Variants in GEM observed in about 807,000 individuals in gnomAD.
GEM encodes the protein GTP-binding protein GEM.
GEM carries 31 observed loss-of-function variants against 33.0 expected under a neutral mutation model. The ratio of observed to expected loss-of-function variants is 0.94; its 90% CI spans 0.71 to 1.27. The LOEUF is 1.27. Ranked by LOEUF, GEM falls within the 50% of genes most tolerant of loss-of-function variation. The probability of loss-of-function intolerance (pLI) is 0.00; values close to 1 mark genes in which losing one functional copy is unlikely to be tolerated. For missense variants in GEM, 354 were observed against 390.5 expected (o/e 0.91, Z 0.79); for synonymous variants, 141 against 143.7 (o/e 0.98, Z 0.13).
chr8:94,255,218 G>A (rs74482284), intron 2 of GEM, among the ~76,000 whole-genome samples: 5,645 of 152,186 alleles, frequency 0.037, 328 homozygotes, highest in African/African-American at 0.13. Context: ...AATCGCTGAC[G>A]GAAAAGGAAA....
chr8:94,257,808 G>A (rs946070371), intron 2 of GEM, among the ~76,000 whole-genome samples: 1 of 151,692 alleles, frequency 6.6e-6, no homozygotes, highest in African/African-American at 2.4e-5. Flanking sequence ...TCTTTATTAG[G>A]AGAAATCATT....
intron 1 of GEM, among the ~76,000 whole-genome samples, chr8:94,261,604 C>T (rs922576898): frequency 6.6e-6 from 1 of 152,148 alleles, no homozygotes; most frequent in Non-Finnish European, 1.5e-5. Context: ...GTCAAGTGAT[C>T]CTCCTGCCTC....
At chr8:94,261,320 C>T (rs1245593641) in intron 1 of GEM, among the ~76,000 whole-genome samples, 1 of 152,176 alleles carries the variant, frequency 6.6e-6, no homozygotes, top group Non-Finnish European at 1.5e-5. Flanking sequence ...TAAAAAACCA[C>T]ATCCATTCTC....
chr8:94,260,701 C>T (rs1809003521), intron 1 of GEM, 189 bp from the exon 2 acceptor site: 1 of 551,342 alleles, frequency 1.8e-6, no homozygotes, highest in South Asian at 2.6e-5. Context: ...CACACACATG[C>T]TGCCCACACT....
rs1808729144 is a variant in GEM, at chr8:94,250,188, C to T, written c.*122G>A. Reference sequence around the variant, plus strand: ...TCATGTTGCCCACAAGGCTAATACGCTAGCTCCCTGCTACAATGGGGGAAA... The same window carrying T: ...TCATGTTGCCCACAAGGCTAATACGTTAGCTCCCTGCTACAATGGGGGAAA... On this transcript the variant is annotated 3_prime_UTR_variant, in exon 5 of 5. Coordinates refer to ENST00000297596, the MANE Select transcript of GEM (RefSeq NM_005261.4). 2 of 785,550 alleles carry T rather than the reference C, an allele frequency of 2.5e-6. No homozygotes were observed. Among genetic ancestry groups the T allele is most frequent in the Non-Finnish European group, 4.1e-6 (2 of 486,394 alleles). The allele number at this position is 785,550 out of a possible 1,614,324, so 48.7% of individuals were successfully genotyped here. A position where few individuals can be genotyped will look rare whatever the true frequency, so the allele number is the denominator to read the frequency against.
At chr8:94,251,276 T>C (rs887596591) in intron 4 of GEM, among the ~76,000 whole-genome samples, 3 of 152,238 alleles carry the variant, frequency 2.0e-5, no homozygotes, top group African/African-American at 4.8e-5. Context: ...AAGTATTTCA[T>C]TGCATTCAAT....
chr8:94,255,339 G>A (rs1808865554), intron 2 of GEM, among the ~76,000 whole-genome samples: 1 of 152,210 alleles, frequency 6.6e-6, no homozygotes, highest in Non-Finnish European at 1.5e-5. Flanking sequence ...GAAGCTTCCT[G>A]ACAGGATCAT....
At position 94,252,047 on chromosome 8, in the gene GEM, T is replaced by G; in HGVS notation, c.585A>C (p.Leu195Phe). The change falls in exon 4 of 5, where the codon TTA (leucine) becomes TTC (phenylalanine). Residue 195 changes from leucine to phenylalanine, a missense_variant. Coordinates refer to ENST00000297596, the MANE Select transcript of GEM (RefSeq NM_005261.4). ...ATACAGACACTTCTCGGCACCGCAC[T>G]AAGTCACTTTTGTTGCCAACCAAAA... ...PIILVGNKSD[L>F]VRCREVSVSE... 2.5e-6 allele frequency: 4 copies of G among 1,614,040 alleles called. No individual in the cohort carries two copies. The highest frequency in any genetic ancestry group is 3.4e-6 in the Non-Finnish European group (4 of 1,179,868).
chr8:94,256,959 C>T (rs2129768773), intron 2 of GEM, among the ~76,000 whole-genome samples: 1 of 152,202 alleles, frequency 6.6e-6, no homozygotes, highest in South Asian at 2.1e-4. Context: ...AGTGGCTTGT[C>T]CAAGAGCACC....
intron 2 of GEM, among the ~76,000 whole-genome samples, chr8:94,253,661 T>TA (rs951794960): frequency 7.9e-5 from 12 of 151,536 alleles, no homozygotes; most frequent in Admixed American, 1.3e-4. Flanking sequence ...TTCCTTTTTT[T>TA]AAAAAAAATG....
chr8:94,260,518 G>A lies in GEM; in HGVS notation c.-9-6C>T. On this transcript the variant is annotated splice_polypyrimidine_tract_variant and splice_region_variant and intron_variant, in intron 1 of 4. Coordinates refer to ENST00000297596, the MANE Select transcript of GEM (RefSeq NM_005261.4). ...TTCAGAGTCATCGTTGAGTCCTGGG[G>A]AGCAAAGCAGCCAAGATGGCAGCAT... is the stretch of plus-strand genomic sequence containing the variant. The A allele has an allele frequency of 1.3e-6, 2 of 1,551,398 alleles. No homozygotes were observed. The highest frequency in any genetic ancestry group is 1.8e-6 in the Non-Finnish European group (2 of 1,137,338).
chr8:94,254,657 C>A (rs1251517620), intron 2 of GEM, among the ~76,000 whole-genome samples: 1 of 152,194 alleles, frequency 6.6e-6, no homozygotes, highest in African/African-American at 2.4e-5. Flanking sequence ...GGAACCAGGG[C>A]ACTTCTTGTT....
At chr8:94,251,333 C>A (rs756573414) in intron 4 of GEM, among the ~76,000 whole-genome samples, 1 of 152,124 alleles carries the variant, frequency 6.6e-6, no homozygotes, top group African/African-American at 2.4e-5. Flanking sequence ...TTACTGTAGA[C>A]AGTTGTGTCC....
Position 94,260,528 on chromosome 8 carries a change from G to A in GEM, c.-9-16C>T. On this transcript the variant is annotated splice_polypyrimidine_tract_variant and intron_variant, in intron 1 of 4. Coordinates refer to ENST00000297596, the MANE Select transcript of GEM (RefSeq NM_005261.4). ...TCGTTGAGTCCTGGGGAGCAAAGCA[G>A]CCAAGATGGCAGCATTAGTAAGCAT... The A allele has an allele frequency of 6.8e-7, 1 of 1,472,944 alleles. No individual in the cohort carries two copies. 91.2% of individuals were successfully genotyped at this position (1,472,944 alleles called of 1,614,324 possible).
chr8:94,260,989 C>T (rs1253618680), intron 1 of GEM, among the ~76,000 whole-genome samples: 1 of 152,164 alleles, frequency 6.6e-6, no homozygotes, highest in Non-Finnish European at 1.5e-5. Flanking sequence ...AGGTTTTGTG[C>T]CTCAGTGGGA....
intron 1 of GEM, among the ~76,000 whole-genome samples, chr8:94,261,071 T>C (rs190301399): frequency 3.5e-4 from 53 of 152,262 alleles, no homozygotes; most frequent in Middle Eastern, 3.4e-3. Context: ...CAGGCACTTA[T>C]TGGAACTTCC....
intron 2 of GEM, among the ~76,000 whole-genome samples, chr8:94,254,468 G>A (rs1338502236): frequency 6.6e-6 from 1 of 152,196 alleles, no homozygotes; most frequent in South Asian, 2.1e-4. Context: ...TGTGCAATGG[G>A]ATTGATAATA....
chr8:94,256,067 T>A (rs1055775997), intron 2 of GEM, among the ~76,000 whole-genome samples: 2 of 152,132 alleles, frequency 1.3e-5, no homozygotes, highest in South Asian at 2.1e-4. Flanking sequence ...CTAAGTCAGT[T>A]TAGTGAGAAT....
At chr8:94,250,723 GC>G (rs11304459) in intron 4 of GEM, 136 bp from the exon 5 acceptor site, 351,273 of 645,712 alleles carry the variant, frequency 0.54, 99,406 homozygotes, top group Middle Eastern at 0.63. Flanking sequence ...TGCGGCATGG[GC>G]CCTCCCAGGG....
Sources: allele counts gnomAD v4.1 joint callset (sites outside exome capture counted in the v4.1 genomes callset), GRCh38; gene constraint gnomAD v4.1.1; transcripts MANE v1.5; gene names NCBI Gene and HGNC (gene_info 2026-07-23, HGNC 2026-07-21).